Variants in FCER1A observed in about 807,000 individuals in gnomAD.
The protein encoded by FCER1A is high affinity immunoglobulin epsilon receptor subunit alpha.
FCER1A carries 24 observed loss-of-function variants against 23.6 expected under a neutral mutation model. That is an observed-to-expected ratio of 1.02 (90% CI 0.74 to 1.43). The LOEUF is 1.43. Ranked by LOEUF, FCER1A falls within the 40% of genes most tolerant of loss-of-function variation. The pLI, the probability that FCER1A is intolerant of heterozygous loss-of-function variation, is 0.00. For missense variants in FCER1A, 318 were observed against 294.5 expected, an observed-to-expected ratio of 1.08 and a Z score of -0.58; for synonymous variants, 121 against 108.8, an observed-to-expected ratio of 1.11 and a Z score of -0.70.
chr1:159,303,225 A>G (rs1008572215), intron 2 of FCER1A, among the ~76,000 whole-genome samples: 4 of 152,134 alleles, frequency 2.6e-5, no homozygotes, highest in Non-Finnish European at 2.9e-5. Context: ...TCTGGTGGTT[A>G]CATGGCTAAG....
At chr1:159,297,769 G>A (rs1571078358), upstream of FCER1A, among the ~76,000 whole-genome samples, 1 of 151,876 alleles carries the variant, frequency 6.6e-6, no homozygotes, top group African/African-American at 2.4e-5. Context: ...GCTGGGTATG[G>A]TGGCACATCC....
intron 1 of FCER1A, among the ~76,000 whole-genome samples, chr1:159,291,993 A>G (rs907007016): frequency 2.0e-5 from 3 of 152,168 alleles, no homozygotes; most frequent in African/African-American, 4.8e-5. Flanking sequence ...TTTTAGTGAC[A>G]TAATTCCCTG....
chr1:159,298,640 A>T (rs1652354699), upstream of FCER1A, among the ~76,000 whole-genome samples: 1 of 152,228 alleles, frequency 6.6e-6, no homozygotes, highest in Non-Finnish European at 1.5e-5. Flanking sequence ...AGCAAAAGAA[A>T]GTAAATGCAG....
At chr1:159,290,382 C>T (rs973840522) in intron 1 of FCER1A, among the ~76,000 whole-genome samples, 1 of 152,206 alleles carries the variant, frequency 6.6e-6, no homozygotes, top group African/African-American at 2.4e-5. Flanking sequence ...CCTTTTCCTG[C>T]AAACCCTAGC....
At chr1:159,300,724 CA>C (rs1250271035), upstream of FCER1A, among the ~76,000 whole-genome samples, 3 of 151,990 alleles carry the variant, frequency 2.0e-5, no homozygotes, top group Non-Finnish European at 2.9e-5. Context: ...ATAAAGAAGA[CA>C]AAAAATGTAT....
At chr1:159,291,646 C>T (rs1308485346) in intron 1 of FCER1A, among the ~76,000 whole-genome samples, 1 of 152,166 alleles carries the variant, frequency 6.6e-6, no homozygotes, top group African/African-American at 2.4e-5. Context: ...TCCCTCTCTG[C>T]TTACTGAATT....
intron 1 of FCER1A, 66 bp downstream of exon 1, chr1:159,302,485 G>A: frequency 2.7e-6 from 3 of 1,118,066 alleles, no homozygotes; most frequent in Non-Finnish European, 4.1e-6. Context: ...GCTGGGGTAG[G>A]AACCTTTACT....
At position 159,302,947 on chromosome 1, in the gene FCER1A, G is replaced by A. The variant is rs3819246; in HGVS notation, c.76+73G>A. The stretch of plus-strand genomic sequence containing the variant: ...TTGCTTTCCTCTCACTATTTTCTTC[G>A]TCCCATCACTTCTGCTTTCTAATGA... On this transcript the variant is annotated intron_variant, in intron 2 of 4. Coordinates refer to ENST00000693622, the MANE Select transcript of FCER1A (RefSeq NM_001387280.1). 4.8e-4 allele frequency: 656 copies of A among 1,380,142 alleles called. 2 individuals are homozygous for A. The East Asian group carries it at 5.6e-3, about 12-fold the overall frequency. 85.5% of individuals were successfully genotyped at this position (1,380,142 alleles called of 1,614,324 possible).
intron 1 of FCER1A, among the ~76,000 whole-genome samples, chr1:159,296,606 G>T (rs183945980): frequency 1.3e-5 from 2 of 152,110 alleles, no homozygotes; most frequent in Non-Finnish European, 2.9e-5. Flanking sequence ...TTTCACAGTC[G>T]TGTTTAAGGC....
chr1:159,307,668 A>T, intron 4 of FCER1A, 80 bp from the exon 5 acceptor site: 1 of 1,045,168 alleles, frequency 9.6e-7, no homozygotes, highest in Non-Finnish European at 1.4e-6. Flanking sequence ...TCTTTCTCTT[A>T]GGGAGGATGA....
intron 4 of FCER1A, 91 bp from the exon 5 acceptor site, chr1:159,307,657 G>T: frequency 1.1e-6 from 1 of 921,104 alleles, no homozygotes; most frequent in Non-Finnish European, 1.7e-6. Flanking sequence ...ACAAAGCTTG[G>T]TCTTTCTCTT....
At chr1:159,295,029 A>G (rs531811294) in intron 1 of FCER1A, among the ~76,000 whole-genome samples, 1 of 152,330 alleles carries the variant, frequency 6.6e-6, no homozygotes, top group East Asian at 1.9e-4. Context: ...ATAAATTGGC[A>G]TCATGAGATT....
At chr1:159,293,308 G>A (rs548402408) in intron 1 of FCER1A, among the ~76,000 whole-genome samples, 1 of 151,846 alleles carries the variant, frequency 6.6e-6, no homozygotes, top group Admixed American at 6.6e-5. Flanking sequence ...TGGCCCCTAT[G>A]TGTATCTCCA....
chr1:159,302,424 G>A lies in FCER1A; in HGVS notation c.55+5G>A, dbSNP rs1024905053. 1.3e-6 allele frequency: 2 copies of A among 1,599,434 alleles called. No homozygotes were observed. Among genetic ancestry groups the A allele is most frequent in the South Asian group, 2.2e-5 (2 of 90,788 alleles). On this transcript the variant is annotated splice_donor_5th_base_variant and intron_variant, in intron 1 of 4. Coordinates refer to ENST00000693622, the MANE Select transcript of FCER1A (RefSeq NM_001387280.1). ...GTGTAGCCTTACTGTTCTTCGGTAA[G>A]TAGAGATTCAATTACCCCTCCCAGG... is the stretch of plus-strand genomic sequence containing the variant.
chr1:159,288,283 G>T (rs1190511800), upstream of FCER1A, among the ~76,000 whole-genome samples: 1 of 152,048 alleles, frequency 6.6e-6, no homozygotes, highest in African/African-American at 2.4e-5. Flanking sequence ...TGAGATCTAG[G>T]GCTTGCATGG....
upstream of FCER1A, among the ~76,000 whole-genome samples, chr1:159,288,776 C>G (rs1217811882): frequency 1.3e-5 from 2 of 152,168 alleles, no homozygotes; most frequent in Non-Finnish European, 2.9e-5. Flanking sequence ...TCCTTGAGGG[C>G]ACCTGTTCTC....
chr1:159,295,524 C>T (rs984916419), intron 1 of FCER1A, among the ~76,000 whole-genome samples: 10 of 152,042 alleles, frequency 6.6e-5, no homozygotes, highest in African/African-American at 9.7e-5. Context: ...TTATAATAAA[C>T]ACTATTCTAC....
At chr1:159,295,810 A>G (rs949185893) in intron 1 of FCER1A, among the ~76,000 whole-genome samples, 2 of 152,184 alleles carry the variant, frequency 1.3e-5, no homozygotes, top group African/African-American at 4.8e-5. Flanking sequence ...CACATTTGAT[A>G]GCATGCATTT....
Position 159,305,977 on chromosome 1 carries a change from A to G in FCER1A, c.332-11A>G, listed in dbSNP as rs1278488097. The G allele has an allele frequency of 6.2e-7, 1 of 1,612,056 alleles. No homozygotes were observed. The highest frequency in any genetic ancestry group is 1.3e-5 in the African/African-American group (1 of 74,864). On this transcript the variant is annotated splice_polypyrimidine_tract_variant and intron_variant, in intron 3 of 4. Transcript: ENST00000693622. ...TATTGTTAAATAAATAATGTAATGA[A>G]TGTTCTTCAGACTGGCTGCTCCTTC...
Sources: gnomAD v4.1 joint callset for allele counts (sites outside exome capture counted in the v4.1 genomes callset) on GRCh38, gnomAD v4.1.1 for gene constraint, MANE v1.5 for transcripts, NCBI Gene and HGNC (gene_info 2026-07-23, HGNC 2026-07-21) for gene names.